RNASE10: variants seen among roughly 807,000 people sequenced by gnomAD.
RNASE10 encodes ribonuclease A family member 10 (inactive), also known as inactive ribonuclease-like protein 10.
In RNASE10, 2 loss-of-function variants were observed where a neutral mutation model predicts 1.1. The ratio of observed to expected loss-of-function variants is 1.82; its 90% CI spans 0.74 to 5.73. The LOEUF is 5.73. Among genes scored for constraint, RNASE10 ranks in the 30% most tolerant of loss-of-function variants. The probability of loss-of-function intolerance (pLI) is 0.05; values close to 1 mark genes in which losing one functional copy is unlikely to be tolerated. For synonymous variants in RNASE10, 97 were observed against 96.2 expected, an observed-to-expected ratio of 1.01 and a Z score of -0.05; for missense variants, 276 against 263.4, an observed-to-expected ratio of 1.05 and a Z score of -0.33.
intron 1 of RNASE10, among the ~76,000 whole-genome samples, chr14:20,509,502 C>T (rs1278285192): frequency 2.0e-5 from 3 of 152,218 alleles, no homozygotes; most frequent in South Asian, 2.1e-4. Flanking sequence ...AGGAATCTGG[C>T]TTAACAAGAT....
At chr14:20,510,280 G>GT (rs1882859540) in intron 1 of RNASE10, 187 bp from the exon 2 acceptor site, 1 of 361,102 alleles carries the variant, frequency 2.8e-6, no homozygotes, top group Non-Finnish European at 3.9e-6. Context: ...AACAGGGAAT[G>GT]TGGTAGGGAG....
intron 1 of RNASE10, among the ~76,000 whole-genome samples, chr14:20,509,389 ATTGT>A (rs1882838142): frequency 6.6e-6 from 1 of 152,312 alleles, no homozygotes; most frequent in Admixed American, 6.5e-5. Flanking sequence ...CAGCAGGTCA[ATTGT>A]TTGATTTTCT....
chr14:20,507,692 C>T (rs959609088), intron 1 of RNASE10, among the ~76,000 whole-genome samples: 51 of 151,384 alleles, frequency 3.4e-4, no homozygotes, highest in African/African-American at 1.0e-3. Flanking sequence ...CATGAATATT[C>T]TTTATCCAGG....
At chr14:20,513,161 C>A (rs1423896348), downstream of RNASE10, among the ~76,000 whole-genome samples, 1 of 152,160 alleles carries the variant, frequency 6.6e-6, no homozygotes, top group Non-Finnish European at 1.5e-5. Flanking sequence ...CTCATCTCCT[C>A]CGGGTCTTCA....
upstream of RNASE10, among the ~76,000 whole-genome samples, chr14:20,505,265 CCTCTCCCT>C (rs1882664975): frequency 2.2e-4 from 2 of 9,116 alleles, no homozygotes; most frequent in Admixed American, 8.7e-4. Flanking sequence ...GAGTTTGCTC[CCTCTCCCT>C]CTCCCTCTCC....
At chr14:20,509,699 C>T (rs1487522951) in intron 1 of RNASE10, among the ~76,000 whole-genome samples, 1 of 152,128 alleles carries the variant, frequency 6.6e-6, no homozygotes, top group East Asian at 1.9e-4. Context: ...AAGAGATGGT[C>T]TTCTGTGGTA....
At chr14:20,511,307 G>T, downstream of RNASE10, 1 of 470,428 alleles carries the variant, frequency 2.1e-6, no homozygotes, top group Non-Finnish European at 3.6e-6. Flanking sequence ...ATGATGCCTA[G>T]TTTCTCTAAG....
chr14:20,506,762 T>G (rs1212526170), intron 1 of RNASE10, among the ~76,000 whole-genome samples: 108 of 7,554 alleles, frequency 0.014, no homozygotes, highest in Non-Finnish European at 0.016. Context: ...GGGAGGGAGG[T>G]GGGGGGGGTC....
At chr14:20,510,712 C>G (rs748070475) in exon 2 of RNASE10, 4 of 1,614,186 alleles carry the variant, frequency 2.5e-6, no homozygotes, top group Non-Finnish European at 3.4e-6. Context: ...ACCTGGCTGG[C>G]CAGAAGATCC....
In RNASE10 at chr14:20,510,847, A is replaced by T. The variant is rs1008611080; in HGVS notation, c.460A>T (p.Lys154Ter). 6.2e-7 allele frequency: 1 copy of T among 1,614,200 alleles called. No homozygotes were observed. Among genetic ancestry groups the T allele is most frequent in the Admixed American group, 1.7e-5 (1 of 60,024 alleles). ...AGAATGCAATGATATGATGGCACACAAGATGAAGGAGCCCAGTCAGAGTTG... is the reference window on the plus strand; with the variant it reads ...AGAATGCAATGATATGATGGCACACTAGATGAAGGAGCCCAGTCAGAGTTG... The change falls in exon 2 of 2, where the codon AAG (lysine) becomes TAG (stop). Residue 154 changes from lysine to a stop codon, truncating the protein, a stop_gained. Transcript: ENST00000430083. LOFTEE classifies it low-confidence loss of function (END_TRUNC).
downstream of RNASE10, among the ~76,000 whole-genome samples, chr14:20,512,071 AAGAG>A (rs948462025): frequency 1.3e-5 from 2 of 152,194 alleles, no homozygotes; most frequent in Non-Finnish European, 2.9e-5. Flanking sequence ...GAGAAAGAGA[AAGAG>A]AGAGTGAGAA....
chr14:20,507,765 G>A (rs978890121), intron 1 of RNASE10, among the ~76,000 whole-genome samples: 2 of 110,864 alleles, frequency 1.8e-5, no homozygotes, highest in Admixed American at 9.9e-5. Context: ...TATTTATTTA[G>A]AGATAGATTC....
At chr14:20,511,183 CT>C (rs1475420842), downstream of RNASE10, 32 of 1,268,046 alleles carry the variant, frequency 2.5e-5, no homozygotes, top group Non-Finnish European at 3.0e-5. Context: ...TTTACTTCTT[CT>C]TTCTCATATA....
upstream of RNASE10, among the ~76,000 whole-genome samples, chr14:20,504,396 C>T (rs563074468): frequency 6.6e-6 from 1 of 152,234 alleles, no homozygotes; most frequent in South Asian, 2.1e-4. Flanking sequence ...CATGGAAGTC[C>T]TCTCTCTTTT....
chr14:20,510,713 C>T (rs778528075), exon 2 of RNASE10: 6 of 1,614,212 alleles, frequency 3.7e-6, no homozygotes, highest in Middle Eastern at 3.3e-4. Context: ...CCTGGCTGGC[C>T]AGAAGATCCC....
At chr14:20,511,053 T>G in exon 2 of RNASE10, 1 of 1,530,074 alleles carries the variant, frequency 6.5e-7, no homozygotes, top group Non-Finnish European at 8.8e-7. Context: ...ATTACCTAAC[T>G]TCTGTTATAA....
At chr14:20,511,798 T>A (rs1882906031), downstream of RNASE10, among the ~76,000 whole-genome samples, 1 of 152,186 alleles carries the variant, frequency 6.6e-6, no homozygotes, top group Admixed American at 6.5e-5. Flanking sequence ...GCTTCTTGTT[T>A]TCATCTCTTA....
Position 20,508,655 on chromosome 14 carries a change from CAACTT to C in RNASE10, c.80-1809_80-1805del, listed in dbSNP as rs551519532. Among the ~76,000 whole-genome samples the C allele has an allele frequency of 3.2e-4, 49 of 152,156 alleles. 1 individual carries two copies. In the East Asian group the frequency reaches 9.1e-3, roughly 28 times the overall value. ...TTTGAGTGAAAAGGTGAAAGTGTCT[CAACTT>C]AATAAGGAAAGGGGGGAAAAACATG... On this transcript the variant is annotated intron_variant, in intron 1 of 1. Coordinates refer to ENST00000430083, the Ensembl canonical transcript of RNASE10.
downstream of RNASE10, among the ~76,000 whole-genome samples, chr14:20,513,175 T>C (rs570413465): frequency 6.6e-6 from 1 of 152,196 alleles, no homozygotes; most frequent in Non-Finnish European, 1.5e-5. Flanking sequence ...GTCTTCACTT[T>C]GGGCAAATCT....
Sources: gnomAD v4.1 joint callset for allele counts (sites outside exome capture counted in the v4.1 genomes callset) on GRCh38, gnomAD v4.1.1 for gene constraint, MANE v1.5 for transcripts, NCBI Gene and HGNC (gene_info 2026-07-23, HGNC 2026-07-21) for gene names.